ATRNL1: variants seen among roughly 807,000 people sequenced by gnomAD.
ATRNL1 encodes attractin-like protein 1.
A neutral mutation model predicts 182.7 loss-of-function variants in ATRNL1; 95 were observed. The observed-to-expected ratio is 0.52, with a 90% CI of 0.44 to 0.62. ATRNL1 has a LOEUF of 0.62. Among genes scored for constraint, ATRNL1 ranks in the 20% least tolerant of loss-of-function variants. The pLI is 0.00. For synonymous variants in ATRNL1, 576 were observed against 568.3 expected, an observed-to-expected ratio of 1.01 and a Z score of -0.19; for missense variants, 1,471 against 1,679.5, an observed-to-expected ratio of 0.88 and a Z score of 2.17.
chr10:115,514,243 A>G (rs960503761), intron 24 of ATRNL1, among the ~76,000 whole-genome samples: 6 of 152,102 alleles, frequency 3.9e-5, no homozygotes, highest in Middle Eastern at 3.4e-3. Flanking sequence ...CATCACCCCC[A>G]AGAAGTGGTA....
At chr10:115,934,883 G>T (rs1038225791) in intron 28 of ATRNL1, among the ~76,000 whole-genome samples, 9 of 152,042 alleles carry the variant, frequency 5.9e-5, no homozygotes, top group Admixed American at 1.3e-4. Flanking sequence ...TTCTCCCATT[G>T]TTCCATTTAC....
intron 1 of ATRNL1, among the ~76,000 whole-genome samples, chr10:115,099,077 A>G (rs2085094423): frequency 6.6e-6 from 1 of 152,212 alleles, no homozygotes; most frequent in Non-Finnish European, 1.5e-5. Context: ...TTCCTTTGTA[A>G]ACCCTCCCTT....
At chr10:115,144,018 C>A (rs1328470353) in intron 5 of ATRNL1, among the ~76,000 whole-genome samples, 3 of 150,038 alleles carry the variant, frequency 2.0e-5, no homozygotes, top group Admixed American at 6.6e-5. Context: ...TCTTTCACTG[C>A]CGCCTGGGCT....
chr10:115,871,897 A>C (rs1555106228), intron 28 of ATRNL1, among the ~76,000 whole-genome samples: 1 of 152,146 alleles, frequency 6.6e-6, no homozygotes. Flanking sequence ...AACTGTTTCT[A>C]ATCAAATAAT....
At chr10:115,604,372 T>G (rs2133950003) in intron 26 of ATRNL1, among the ~76,000 whole-genome samples, 1 of 152,218 alleles carries the variant, frequency 6.6e-6, no homozygotes, top group African/African-American at 2.4e-5. Flanking sequence ...CTTTTCGAGT[T>G]TTCTACTGAG....
At chr10:115,899,725 G>A (rs1179422125) in intron 28 of ATRNL1, among the ~76,000 whole-genome samples, 3 of 152,150 alleles carry the variant, frequency 2.0e-5, no homozygotes, top group South Asian at 4.1e-4. Context: ...GTCTTGAGAC[G>A]CTGGACTTGG....
At chr10:115,898,380 G>A (rs1400461589) in intron 28 of ATRNL1, among the ~76,000 whole-genome samples, 5 of 152,174 alleles carry the variant, frequency 3.3e-5, no homozygotes, top group African/African-American at 1.2e-4. Flanking sequence ...TGTGATTTGT[G>A]CAGTGAAAGA....
At chr10:115,438,502 CATT>C (rs1418771815) in intron 21 of ATRNL1, among the ~76,000 whole-genome samples, 2 of 151,924 alleles carry the variant, frequency 1.3e-5, no homozygotes, top group African/African-American at 4.8e-5. Context: ...TCCACCTAAT[CATT>C]AGTTTTTAAT....
At chr10:115,834,163 C>T (rs546725571) in intron 27 of ATRNL1, among the ~76,000 whole-genome samples, 1 of 152,280 alleles carries the variant, frequency 6.6e-6, no homozygotes, top group South Asian at 2.1e-4. Context: ...TAGTCCACTC[C>T]AAGAACTTGC....
chr10:115,201,082 T>C (rs868988826), intron 8 of ATRNL1, among the ~76,000 whole-genome samples: 3 of 151,362 alleles, frequency 2.0e-5, no homozygotes, highest in Middle Eastern at 3.2e-3. Flanking sequence ...CTTGTTTTTT[T>C]TTTTTTTTTG....
At chr10:115,146,545 T>C (rs1845978715) in intron 5 of ATRNL1, among the ~76,000 whole-genome samples, 1 of 152,062 alleles carries the variant, frequency 6.6e-6, no homozygotes, top group Admixed American at 6.6e-5. Flanking sequence ...TACCCTACAC[T>C]GCCATTGAAT....
intron 17 of ATRNL1, among the ~76,000 whole-genome samples, chr10:115,311,065 C>A (rs1255173688): frequency 7.3e-6 from 1 of 137,122 alleles, no homozygotes; most frequent in Non-Finnish European, 1.5e-5. Context: ...AATTGTTAAC[C>A]CCAAAATCGT....
At chr10:115,282,479 T>C (rs766520535) in intron 14 of ATRNL1, among the ~76,000 whole-genome samples, 1 of 151,516 alleles carries the variant, frequency 6.6e-6, no homozygotes, top group Non-Finnish European at 1.5e-5. Flanking sequence ...ACATTTCTTA[T>C]AATAAATATG....
intron 27 of ATRNL1, among the ~76,000 whole-genome samples, chr10:115,762,328 C>T (rs1948753109): frequency 6.6e-6 from 1 of 152,118 alleles, no homozygotes; most frequent in Non-Finnish European, 1.5e-5. Context: ...GGTCTTTTGG[C>T]AGATTTGCTA....
intron 27 of ATRNL1, among the ~76,000 whole-genome samples, chr10:115,788,372 T>C (rs1555080910): frequency 6.6e-6 from 1 of 151,802 alleles, no homozygotes; most frequent in African/African-American, 2.4e-5. Flanking sequence ...ATTTGCCCCC[T>C]CTGTAAACAT....
At chr10:115,942,058 C>A (rs1555124420) in intron 28 of ATRNL1, among the ~76,000 whole-genome samples, 4 of 152,176 alleles carry the variant, frequency 2.6e-5, no homozygotes, top group Non-Finnish European at 5.9e-5. Context: ...ATCAGCTTAG[C>A]CAGAGCTTAT....
chr10:115,389,540 G>GTATATATATA lies in ATRNL1; in HGVS notation c.3176-5077_3176-5068dup, dbSNP rs58155967. 1.3e-4 allele frequency among the ~76,000 whole-genome samples: 6 copies of GTATATATATA among 44,490 alleles called. 1 individual carries two copies. Among genetic ancestry groups the GTATATATATA allele is most frequent in the Non-Finnish European group, 2.1e-4 (5 of 23,666 alleles). 29.2% of individuals were successfully genotyped at this position (44,490 alleles called of 152,430 possible). ...CTGAATAGTATTCAAATGTGTATGTGTATATATATATATATATATATATAT... is the reference window on the plus strand; with the variant it reads ...CTGAATAGTATTCAAATGTGTATGTGTATATATATATATATATATATATATATATATATAT... On this transcript the variant is annotated intron_variant, in intron 19 of 28. Coordinates refer to ENST00000355044, the MANE Select transcript of ATRNL1 (RefSeq NM_207303.4).
At chr10:115,738,129 T>TG (rs1948018300) in intron 27 of ATRNL1, among the ~76,000 whole-genome samples, 1 of 44,146 alleles carries the variant, frequency 2.3e-5, no homozygotes. Context: ...GATAATGATT[T>TG]TTTTTTTTTT....
chr10:115,861,542 A>T (rs1288887436), intron 28 of ATRNL1, among the ~76,000 whole-genome samples: 1 of 152,036 alleles, frequency 6.6e-6, no homozygotes, highest in African/African-American at 2.4e-5. Context: ...AACCACCCTA[A>T]TCTCTGGCCT....
Sources: allele counts gnomAD v4.1 joint callset (sites outside exome capture counted in the v4.1 genomes callset), GRCh38; gene constraint gnomAD v4.1.1; transcripts MANE v1.5; gene names NCBI Gene and HGNC (gene_info 2026-07-23, HGNC 2026-07-21).